EGF: variants seen among roughly 807,000 people sequenced by gnomAD.
EGF encodes pro-epidermal growth factor.
A neutral mutation model predicts 143.8 loss-of-function variants in EGF; 95 were observed. That is an observed-to-expected ratio of 0.66 (90% CI 0.56 to 0.78). The LOEUF is 0.78. Among genes scored for constraint, EGF ranks in the 30% least tolerant of loss-of-function variants. The pLI, the probability that EGF is intolerant of heterozygous loss-of-function variation, is 0.00. For synonymous variants in EGF, 510 were observed against 510.5 expected (o/e 1.00, Z 0.01); for missense variants, 1,320 against 1,470.9 (o/e 0.90, Z 1.68).
At chr4:109,998,085 C>T (rs573733427) in intron 20 of EGF, among the ~76,000 whole-genome samples, 93 of 152,302 alleles carry the variant, frequency 6.1e-4, no homozygotes, top group Non-Finnish European at 1.2e-3. Context: ...CTCAGTGAGG[C>T]TCTACTATTG....
chr4:109,959,287 C>G (rs1745303388), intron 5 of EGF, 25 bp from the exon 6 acceptor site: 1 of 1,613,498 alleles, frequency 6.2e-7, no homozygotes, highest in Non-Finnish European at 8.5e-7. Flanking sequence ...CGGCCCCACT[C>G]CAAATAAAGC....
rs188124821 is a variant in EGF at position 109,984,554 on chromosome 4, A to G, written c.2491+1013A>G. On this transcript the variant is annotated intron_variant, in intron 16 of 23. Transcript: ENST00000265171. ...CATATGCAAGTCCCAAAGTCACCCC[A>G]TGGAACCCAGGTATACAAAACATCA... 4.7e-4 allele frequency among the ~76,000 whole-genome samples: 72 copies of G among 152,290 alleles called. No individual in the cohort carries two copies. In the East Asian group the frequency reaches 0.011, roughly 23 times the overall value.
intron 1 of EGF, among the ~76,000 whole-genome samples, chr4:109,931,116 C>T (rs1739610067): frequency 6.6e-6 from 1 of 152,208 alleles, no homozygotes; most frequent in Admixed American, 6.5e-5. Flanking sequence ...CTGTACCACA[C>T]ATCAGTGTTT....
chr4:109,968,673 CATCTATCT>C (rs10530188), intron 10 of EGF: 4,608 of 347,194 alleles, frequency 0.013, 84 homozygotes, highest in African/African-American at 0.044. Context: ...TATCTATATA[CATCTATCT>C]ATCTATCTAT....
chr4:109,983,404 T>C lies in EGF; in HGVS notation c.2372-18T>C. On this transcript the variant is annotated intron_variant, in intron 15 of 23. Coordinates refer to ENST00000265171, the MANE Select transcript of EGF (RefSeq NM_001963.6). ...AACAGAAAAGCTAAATTTAATTGCA[T>C]CTATTGACCTTCAATAGGTGGTGAA... 2 of 1,612,416 alleles carry C rather than the reference T, an allele frequency of 1.2e-6. No individual in the cohort carries two copies. The highest frequency in any genetic ancestry group is 1.7e-6 in the Non-Finnish European group (2 of 1,179,050).
intron 19 of EGF, among the ~76,000 whole-genome samples, chr4:109,994,238 T>C (rs1031609102): frequency 4.6e-5 from 7 of 152,298 alleles, no homozygotes; most frequent in African/African-American, 1.7e-4. Flanking sequence ...TACAGTCTTG[T>C]CCTTGAGGGC....
chr4:109,972,779 C>T (rs956458857), intron 11 of EGF, among the ~76,000 whole-genome samples: 1 of 152,198 alleles, frequency 6.6e-6, no homozygotes, highest in African/African-American at 2.4e-5. Context: ...CTTCTGCATA[C>T]TGCCTGTGAA....
At chr4:109,916,908 T>A (rs923973793) in intron 1 of EGF, among the ~76,000 whole-genome samples, 1 of 152,204 alleles carries the variant, frequency 6.6e-6, no homozygotes, top group African/African-American at 2.4e-5. Flanking sequence ...CAAAATAATT[T>A]AAAAATACAT....
At chr4:110,011,006 A>C (rs1272920001) in intron 23 of EGF, among the ~76,000 whole-genome samples, 196 bp from the exon 24 acceptor site, 2 of 152,026 alleles carry the variant, frequency 1.3e-5, no homozygotes, top group African/African-American at 4.8e-5. Flanking sequence ...GTGCCACTGC[A>C]CAATCTGCCT....
chr4:109,972,323 A>G (rs1747789774), intron 11 of EGF, among the ~76,000 whole-genome samples: 1 of 152,200 alleles, frequency 6.6e-6, no homozygotes, highest in Non-Finnish European at 1.5e-5. Flanking sequence ...GGGGAGCTTT[A>G]AAAGTAAATT....
chr4:109,990,691 G>T (rs2126142310), intron 18 of EGF, among the ~76,000 whole-genome samples: 1 of 152,236 alleles, frequency 6.6e-6, no homozygotes. Context: ...TGGCTGATTT[G>T]GTTTTGGGTG....
At chr4:109,931,528 T>G (rs1324455508) in intron 1 of EGF, among the ~76,000 whole-genome samples, 1 of 152,206 alleles carries the variant, frequency 6.6e-6, no homozygotes, top group Non-Finnish European at 1.5e-5. Flanking sequence ...AGTACCTGGA[T>G]TCTAATTCCA....
At chr4:110,005,658 T>C (rs897184671) in intron 22 of EGF, among the ~76,000 whole-genome samples, 13 of 152,226 alleles carry the variant, frequency 8.5e-5, no homozygotes, top group African/African-American at 2.9e-4. Context: ...GAGGGCAGTC[T>C]TGAAACAGGC....
Position 109,936,775 on chromosome 4 carries a change from T to G in EGF, c.128-4171T>G, listed in dbSNP as rs376911087. On this transcript the variant is annotated intron_variant, in intron 1 of 23. Coordinates refer to ENST00000265171, the MANE Select transcript of EGF (RefSeq NM_001963.6). ...CATTGGTTTCCAATAACTTATTTAT[T>G]TCTCCCTTAATTTCGTTATTTACCC... Among the ~76,000 whole-genome samples, 9 of 152,352 alleles carry G rather than the reference T, an allele frequency of 5.9e-5. No individual in the cohort carries two copies. In the South Asian group the frequency reaches 1.0e-3, roughly 18 times the overall value.
Position 109,960,900 on chromosome 4 carries a change from G to T in EGF, c.1100G>T (p.Cys367Phe), listed in dbSNP as rs375689009. The change falls in exon 7 of 24, where the codon TGT (cysteine) becomes TTT (phenylalanine). Residue 367 changes from cysteine (C) to phenylalanine (F), a missense_variant. Cys to Phe is a radical substitution (Grantham distance 205, BLOSUM62 -2). This residue lies in a region of EGF where 1,186 missense variants were observed against 1,313.7 expected (regional missense o/e 0.90). Transcript: ENST00000265171. The stretch of plus-strand genomic sequence containing the variant: ...GAATGTGCTTTTTGGAATCATGGCT[G>T]TACTCTTGGGTGTAAAAACACCCCT... ...VNECAFWNHG[C>F]TLGCKNTPGS... The T allele has an allele frequency of 3.1e-6, 5 of 1,613,860 alleles. No individual in the cohort carries two copies. The Admixed American group carries it at 5.0e-5, about 16-fold the overall frequency.
At chr4:110,007,699 C>T (rs1394129581) in intron 22 of EGF, among the ~76,000 whole-genome samples, 1 of 152,012 alleles carries the variant, frequency 6.6e-6, no homozygotes, top group African/African-American at 2.4e-5. Flanking sequence ...TTTAATGGCC[C>T]CAAATTACTC....
chr4:109,989,252 C>A (rs1417130137), intron 18 of EGF, among the ~76,000 whole-genome samples: 1 of 152,184 alleles, frequency 6.6e-6, no homozygotes, highest in Non-Finnish European at 1.5e-5. Flanking sequence ...CTTTCGTAAT[C>A]CCCGTCCTCT....
At chr4:109,960,696 A>G (rs748813593) in intron 6 of EGF, among the ~76,000 whole-genome samples, 171 bp from the exon 7 acceptor site, 12 of 152,158 alleles carry the variant, frequency 7.9e-5, no homozygotes, top group Non-Finnish European at 1.6e-4. Context: ...TTTTATCATC[A>G]TTTAATTGAC....
At chr4:109,952,492 G>A (rs1157531217) in intron 5 of EGF, among the ~76,000 whole-genome samples, 1 of 152,090 alleles carries the variant, frequency 6.6e-6, no homozygotes, top group Non-Finnish European at 1.5e-5. Context: ...TGCCAAGGTG[G>A]GAGTCTAATT....
Sources: allele counts gnomAD v4.1 joint callset (sites outside exome capture counted in the v4.1 genomes callset), GRCh38; gene constraint gnomAD v4.1.1; regional missense constraint gnomAD v4.1.1; transcripts MANE v1.5; gene names NCBI Gene and HGNC (gene_info 2026-07-23, HGNC 2026-07-21).